Variants in MAP3K4 observed in about 807,000 individuals in gnomAD.
MAP3K4 encodes the protein MAP three kinase 1.
MAP3K4 carries 67 observed loss-of-function variants against 185.6 expected under a neutral mutation model. The ratio of observed to expected loss-of-function variants is 0.36; its 90% CI spans 0.30 to 0.44. The LOEUF (loss-of-function observed/expected upper bound fraction) is 0.44. MAP3K4 is among the 20% of genes least tolerant of loss of function. The pLI is 1.00. For missense variants in MAP3K4, 1,551 were observed against 1,995.1 expected, an observed-to-expected ratio of 0.78 and a Z score of 4.24; for synonymous variants, 702 against 710.4, an observed-to-expected ratio of 0.99 and a Z score of 0.19.
chr6:161,096,792 G>T lies in MAP3K4; in HGVS notation c.3428-288G>T. ...CACATTTTCATGTATCTCTAAAATG[G>T]GTTAAATCATTTGTTTAGCTTACAT... On this transcript the variant is annotated intron_variant, in intron 15 of 26. Coordinates refer to ENST00000392142, the MANE Select transcript of MAP3K4 (RefSeq NM_005922.4). This position sits in a 1 kb window ranked among gnomAD's most constrained non-coding sequence, Gnocchi z 4.9. 3.5e-6 allele frequency: 1 copy of T among 282,542 alleles called. No individual in the cohort carries two copies. Among genetic ancestry groups the T allele is most frequent in the Non-Finnish European group, 6.7e-6 (1 of 149,758 alleles). The allele number at this position is 282,542 out of a possible 1,614,324, so 17.5% of individuals were successfully genotyped here.
In MAP3K4 at chr6:161,098,151, AC is replaced by A; in HGVS notation, c.3525-126del. 8.7e-7 allele frequency: 1 copy of A among 1,153,720 alleles called. No individual in the cohort carries two copies. Among genetic ancestry groups the A allele is most frequent in the Non-Finnish European group, 1.2e-6 (1 of 822,614 alleles). The allele number at this position is 1,153,720 out of a possible 1,614,324, so 71.5% of individuals were successfully genotyped here. On this transcript the variant is annotated intron_variant, in intron 16 of 26. Transcript: ENST00000392142. The surrounding 1 kb of genome is among the most constrained non-coding windows in gnomAD (Gnocchi z 4.4). The stretch of plus-strand genomic sequence containing the variant: ...TACACCTAGACTCAAATCTCAAAGA[AC>A]AATTTGCATTTTATATTTTTAAATA...
chr6:161,105,885 G>C (rs1778045165), intron 19 of MAP3K4, among the ~76,000 whole-genome samples: 3 of 150,648 alleles, frequency 2.0e-5, no homozygotes, highest in African/African-American at 4.9e-5. Context: ...ACCCATGCTG[G>C]AGTGCAGTGG....
In MAP3K4 at chr6:161,096,999, A is replaced by G. The variant is rs760813443; in HGVS notation, c.3428-81A>G. The G allele has an allele frequency of 1.4e-5, 16 of 1,153,476 alleles. No individual in the cohort carries two copies. The highest frequency in any genetic ancestry group is 3.0e-5 in the African/African-American group (2 of 66,330). 71.5% of individuals were successfully genotyped at this position (1,153,476 alleles called of 1,614,324 possible). ...CATTGGCCAGAATAAGTGACATTCTATTTTCCATTTGACTGTTTGGTTTGA... is the reference window on the plus strand; with the variant it reads ...CATTGGCCAGAATAAGTGACATTCTGTTTTCCATTTGACTGTTTGGTTTGA... On this transcript the variant is annotated intron_variant, in intron 15 of 26. Coordinates refer to ENST00000392142, the MANE Select transcript of MAP3K4 (RefSeq NM_005922.4). The surrounding 1 kb of genome is among the most constrained non-coding windows in gnomAD (Gnocchi z 4.9).
chr6:161,080,940 G>A lies in MAP3K4; in HGVS notation c.2157G>A (p.Ser719=), dbSNP rs536943325. The part of the protein sequence containing the change: ...IQMLQQLPQA[S]HSLKNLLEEE... ...TGCTACAGCAATTACCTCAAGCATCGCATAGTTTAAAAAATCTGTTAGAAG... is the reference window on the plus strand; with the variant it reads ...TGCTACAGCAATTACCTCAAGCATCACATAGTTTAAAAAATCTGTTAGAAG... Residue 719 remains serine, a synonymous_variant, in exon 6 of 27, where the codon TCG becomes TCA. Transcript: ENST00000392142. This position sits in a 1 kb window ranked among gnomAD's most constrained non-coding sequence, Gnocchi z 4.8. 30 of 1,613,886 alleles carry A rather than the reference G, an allele frequency of 1.9e-5. 1 individual carries two copies. The highest frequency in any genetic ancestry group is 1.6e-4 in the South Asian group (15 of 91,056).
At chr6:161,000,567 A>T (rs988513289) in intron 1 of MAP3K4, among the ~76,000 whole-genome samples, 6 of 152,190 alleles carry the variant, frequency 3.9e-5, no homozygotes, top group African/African-American at 1.4e-4. Flanking sequence ...TAAAATTGGG[A>T]TTGGCATTAT....
At position 161,082,945 on chromosome 6, in the gene MAP3K4, C is replaced by T. The variant is rs372057426; in HGVS notation, c.2256-1556C>T. ...GTGGCTCCCCATCTTACTCAGGAAA[C>T]GTAAGACTGCCTAACAATGGCCCGC... On this transcript the variant is annotated intron_variant, in intron 6 of 26. Coordinates refer to ENST00000392142, the MANE Select transcript of MAP3K4 (RefSeq NM_005922.4). The surrounding 1 kb of genome is among the most constrained non-coding windows in gnomAD (Gnocchi z 4.2). Among the ~76,000 whole-genome samples the T allele has an allele frequency of 1.3e-5, 2 of 152,314 alleles. No homozygotes were observed. The highest frequency in any genetic ancestry group is 2.1e-4 in the South Asian group (1 of 4,830).
At chr6:161,083,824 G>C (rs1413311176) in intron 6 of MAP3K4, among the ~76,000 whole-genome samples, 1 of 152,196 alleles carries the variant, frequency 6.6e-6, no homozygotes, top group Non-Finnish European at 1.5e-5. Flanking sequence ...CAATGGGTCT[G>C]AAACTGTGCC....
intron 1 of MAP3K4, among the ~76,000 whole-genome samples, chr6:161,010,636 G>A (rs889327923): frequency 6.6e-6 from 1 of 152,112 alleles, no homozygotes; most frequent in Admixed American, 6.5e-5. Flanking sequence ...ACTAAACCTA[G>A]GTTGAGAATC....
chr6:161,016,418 A>G, intron 1 of MAP3K4, among the ~76,000 whole-genome samples: 1 of 152,122 alleles, frequency 6.6e-6, no homozygotes, highest in East Asian at 1.9e-4. Context: ...CTAAGACCTC[A>G]TTGACAAATA....
At chr6:161,026,549 T>A (rs1782670667) in intron 1 of MAP3K4, among the ~76,000 whole-genome samples, 1 of 152,218 alleles carries the variant, frequency 6.6e-6, no homozygotes, top group Admixed American at 6.5e-5. Context: ...ACTCACACAA[T>A]TGTTGGAGGT....
At position 161,053,784 on chromosome 6, in the gene MAP3K4, G is replaced by C. The variant is rs2114773950; in HGVS notation, c.1707+3805G>C. On this transcript the variant is annotated intron_variant, in intron 3 of 26. Coordinates refer to ENST00000392142, the MANE Select transcript of MAP3K4 (RefSeq NM_005922.4). The surrounding 1 kb of genome is among the most constrained non-coding windows in gnomAD (Gnocchi z 4.2). ...TTTTTTGTGTTTTTAATAGAGACGG[G>C]GGTTTCACCATGTTGGCCAGGCTAG... 6.6e-6 allele frequency among the ~76,000 whole-genome samples: 1 copy of C among 152,106 alleles called. No homozygotes were observed. The highest frequency in any genetic ancestry group is 6.5e-5 in the Admixed American group (1 of 15,278).
In MAP3K4 at chr6:160,996,736, G is replaced by A. The variant is rs1781014369; in HGVS notation, c.152+4653G>A. Among the ~76,000 whole-genome samples the A allele has an allele frequency of 6.6e-6, 1 of 152,216 alleles. No individual in the cohort carries two copies. Among genetic ancestry groups the A allele is most frequent in the African/African-American group, 2.4e-5 (1 of 41,444 alleles). On this transcript the variant is annotated intron_variant, in intron 1 of 26. Transcript: ENST00000392142. The surrounding 1 kb of genome is among the most constrained non-coding windows in gnomAD (Gnocchi z 4.5). Reference sequence around the variant, plus strand: ...GATAATCAAGGCCCAGACACTCACTGTGCTTGGCTTCTCAGGCACAGATAC... The same window carrying A: ...GATAATCAAGGCCCAGACACTCACTATGCTTGGCTTCTCAGGCACAGATAC...
At position 161,049,572 on chromosome 6, in the gene MAP3K4, C is replaced by T; in HGVS notation, c.1300C>T (p.Pro434Ser). The T allele has an allele frequency of 1.9e-6, 3 of 1,614,120 alleles. No individual in the cohort carries two copies. Among genetic ancestry groups the T allele is most frequent in the Non-Finnish European group, 2.5e-6 (3 of 1,180,032 alleles). The change falls in exon 3 of 27, where the codon CCA becomes TCA. Residue 434 changes from proline to serine, a missense_variant. Transcript: ENST00000392142. This position sits in a 1 kb window ranked among gnomAD's most constrained non-coding sequence, Gnocchi z 8.4. ...WPVFEIPSPR[P>S]SKGNEPEYEG... ...AGTGTTTGAAATCCCTTCCCCTCGA[C>T]CATCCAAAGGTAATGAGCCGGAGTA...
At chr6:161,099,778 T>C (rs188076059) in intron 17 of MAP3K4, among the ~76,000 whole-genome samples, 2 of 152,334 alleles carry the variant, frequency 1.3e-5, no homozygotes, top group Admixed American at 1.3e-4. Context: ...GTTGATGCAC[T>C]GTGTTTTAAG....
In MAP3K4 at chr6:161,109,689, G is replaced by C. The variant is rs1462681926; in HGVS notation, c.4237-66G>C. Reference sequence around the variant, plus strand: ...GGGGTGTGGCCTAGGAAGTTTTCCAGATTTTTCACTAGCGTACATCTAAGG... The same window carrying C: ...GGGGTGTGGCCTAGGAAGTTTTCCACATTTTTCACTAGCGTACATCTAAGG... On this transcript the variant is annotated intron_variant, in intron 22 of 26. Transcript: ENST00000392142. This position sits in a 1 kb window ranked among gnomAD's most constrained non-coding sequence, Gnocchi z 5.7. 1.3e-6 allele frequency: 2 copies of C among 1,569,642 alleles called. No homozygotes were observed. Among genetic ancestry groups the C allele is most frequent in the African/African-American group, 1.4e-5 (1 of 73,964 alleles).
At position 161,076,747 on chromosome 6, in the gene MAP3K4, A is replaced by G. The variant is rs558285303; in HGVS notation, c.2097+3135A>G. ...TGTACACAATTTGAGTTTCTGCAGA[A>G]GAACAAAGAGCAAAGAAGCAGGGAA... On this transcript the variant is annotated intron_variant, in intron 5 of 26. Coordinates refer to ENST00000392142, the MANE Select transcript of MAP3K4 (RefSeq NM_005922.4). The surrounding 1 kb of genome is among the most constrained non-coding windows in gnomAD (Gnocchi z 4.2). 9.4e-4 allele frequency among the ~76,000 whole-genome samples: 143 copies of G among 152,378 alleles called. No homozygotes were observed. The highest frequency in any genetic ancestry group is 3.3e-3 in the African/African-American group (136 of 41,592).
rs1783824941 is a variant in MAP3K4 at position 161,048,188 on chromosome 6, T to G, written c.344-428T>G. ...CCAGATAATTTACGTGATTTCCTCTTAAGTTTACACATTTAGCTAATGACA... is the reference window on the plus strand; with the variant it reads ...CCAGATAATTTACGTGATTTCCTCTGAAGTTTACACATTTAGCTAATGACA... On this transcript the variant is annotated intron_variant, in intron 2 of 26. Coordinates refer to ENST00000392142, the MANE Select transcript of MAP3K4 (RefSeq NM_005922.4). The surrounding 1 kb of genome is among the most constrained non-coding windows in gnomAD (Gnocchi z 4.7). The G allele has an allele frequency of 2.0e-6, 1 of 511,816 alleles. No homozygotes were observed. Among genetic ancestry groups the G allele is most frequent in the Non-Finnish European group, 4.0e-6 (1 of 252,962 alleles). 31.7% of individuals were successfully genotyped at this position (511,816 alleles called of 1,614,324 possible).
At chr6:161,019,751 C>T (rs1782290190) in intron 1 of MAP3K4, among the ~76,000 whole-genome samples, 1 of 152,014 alleles carries the variant, frequency 6.6e-6, no homozygotes, top group African/African-American at 2.4e-5. Flanking sequence ...TTAGTCGTAA[C>T]CTTGATTATG....
At chr6:161,089,955 G>C (rs971373999) in intron 11 of MAP3K4, among the ~76,000 whole-genome samples, 3 of 152,174 alleles carry the variant, frequency 2.0e-5, no homozygotes, top group African/African-American at 7.2e-5. Flanking sequence ...ACAAGCCCCA[G>C]CCTGGCTGTC....
Sources: allele counts gnomAD v4.1 joint callset (sites outside exome capture counted in the v4.1 genomes callset), GRCh38; gene constraint gnomAD v4.1.1; non-coding constraint Gnocchi (gnomAD v3.1); transcripts MANE v1.5; gene names NCBI Gene and HGNC (gene_info 2026-07-23, HGNC 2026-07-21).